Variants in KCNK12 observed in about 807,000 individuals in gnomAD.
KCNK12 encodes the protein potassium two pore domain channel subfamily K member 12, also known as potassium channel subfamily K member 12.
A neutral mutation model predicts 25.3 loss-of-function variants in KCNK12; 6 were observed. That is an observed-to-expected ratio of 0.24 (90% confidence interval 0.13 to 0.47). The LOEUF is 0.47. Ranked by LOEUF, KCNK12 falls within the 20% of genes least tolerant of loss-of-function variation. The probability of loss-of-function intolerance (pLI) is 0.99; values close to 1 mark genes in which losing one functional copy is unlikely to be tolerated. For synonymous variants in KCNK12, 331 were observed against 311.1 expected, an observed-to-expected ratio of 1.06 and a Z score of -0.67; for missense variants, 444 against 661.7, an observed-to-expected ratio of 0.67 and a Z score of 3.61.
rs2104813298 is a variant in KCNK12, at chr2:47,540,979, T to A, written c.392-19171A>T. Among the ~76,000 whole-genome samples, 1 of 152,272 alleles carries A rather than the reference T, an allele frequency of 6.6e-6. No homozygotes were observed. Among genetic ancestry groups the A allele is most frequent in the Non-Finnish European group, 1.5e-5 (1 of 68,000 alleles). ...AATCAGTAAGATCCATCTGTGCAAT[T>A]CCTTCCTCCTAGAATTCAGAATCTG... On this transcript the variant is annotated intron_variant, in intron 1 of 1. Transcript: ENST00000327876. The surrounding 1 kb of genome is among the most constrained non-coding windows in gnomAD (Gnocchi z 5.4).
Position 47,521,558 on chromosome 2 carries a change from G to A in KCNK12, c.642C>T (p.Tyr214=). 1 of 1,559,258 alleles carries A rather than the reference G, an allele frequency of 6.4e-7. No homozygotes were observed. The highest frequency in any genetic ancestry group is 8.7e-7 in the Non-Finnish European group (1 of 1,151,662). The change falls in exon 2 of 2, where the codon TAC becomes TAT. Residue 214 remains tyrosine, a synonymous_variant. Coordinates refer to ENST00000327876, the MANE Select transcript of KCNK12 (RefSeq NM_022055.2). ...ACAGGCCCAGGATGAGCAGCACGTGGTACACCGAGGGCTTCCAGCCCGCCA... is the reference window on the plus strand; with the variant it reads ...ACAGGCCCAGGATGAGCAGCACGTGATACACCGAGGGCTTCCAGCCCGCCA... ...DSLAGWKPSV[Y]HVLLILGLFA...
In KCNK12 at chr2:47,515,491, G is replaced by A. The variant is rs1668504392; in HGVS notation, c.*5416C>T. ...AACAAGACAAAACAAAACAATACCA[G>A]AATGGAAAATAGTGCATGATCTGTA... On this transcript the variant is annotated 3_prime_UTR_variant, in exon 2 of 2. Transcript: ENST00000327876. Among the ~76,000 whole-genome samples the A allele has an allele frequency of 6.6e-6, 1 of 152,150 alleles. No individual in the cohort carries two copies. The highest frequency in any genetic ancestry group is 1.5e-5 in the Non-Finnish European group (1 of 68,030).
At chr2:47,523,853 C>CTGTG (rs1205106187) in intron 1 of KCNK12, among the ~76,000 whole-genome samples, 1 of 152,242 alleles carries the variant, frequency 6.6e-6, no homozygotes, top group Non-Finnish European at 1.5e-5. Flanking sequence ...GAAGGGCTAC[C>CTGTG]TGTGCTCTGC....
chr2:47,562,371 G>C lies in KCNK12; in HGVS notation c.391+7570C>G, dbSNP rs1245057677. ...GTCACCTTGGAATGAGATCCTCTGG[G>C]ATCTGGAGGAAGCAGATGGAGGAGA... On this transcript the variant is annotated intron_variant, in intron 1 of 1. Coordinates refer to ENST00000327876, the MANE Select transcript of KCNK12 (RefSeq NM_022055.2). This position sits in a 1 kb window ranked among gnomAD's most constrained non-coding sequence, Gnocchi z 4.8. The C allele has an allele frequency of 2.5e-5, 9 of 356,600 alleles. No homozygotes were observed. The highest frequency in any genetic ancestry group is 3.0e-5 in the Non-Finnish European group (6 of 199,748). 22.1% of individuals were successfully genotyped at this position (356,600 alleles called of 1,614,324 possible).
At position 47,570,341 on chromosome 2, in the gene KCNK12, C is replaced by G. The variant is rs1264487804; in HGVS notation, c.-10G>C. 2 of 1,252,874 alleles carry G rather than the reference C, an allele frequency of 1.6e-6. No homozygotes were observed. The highest frequency in any genetic ancestry group is 3.2e-5 in the African/African-American group (2 of 63,454). The allele number at this position is 1,252,874 out of a possible 1,614,324, so 77.6% of individuals were successfully genotyped here. On this transcript the variant is annotated 5_prime_UTR_variant, in exon 1 of 2. Coordinates refer to ENST00000327876, the MANE Select transcript of KCNK12 (RefSeq NM_022055.2). ...GGCTGCGGGAGGACATGGTCCGGAG[C>G]TCAGCCCCGGGGCCGGGGCGGCGCT...
chr2:47,526,702 C>T (rs1244532997), intron 1 of KCNK12, among the ~76,000 whole-genome samples: 1 of 152,200 alleles, frequency 6.6e-6, no homozygotes, highest in Non-Finnish European at 1.5e-5. Context: ...CACTGCCTTC[C>T]AGCCTGGGCG....
intron 1 of KCNK12, among the ~76,000 whole-genome samples, chr2:47,532,368 A>T (rs1668952318): frequency 6.6e-6 from 1 of 151,596 alleles, no homozygotes; most frequent in Admixed American, 6.6e-5. Context: ...CTTTTTTTAA[A>T]GTTTATTCTT....
Position 47,516,282 on chromosome 2 carries a change from G to T in KCNK12, c.*4625C>A, listed in dbSNP as rs151221120. The stretch of plus-strand genomic sequence containing the variant: ...TAGACCAATGAAATCAGACTCCTGG[G>T]AGTACGGCCCGGGCCTCGGGATCCT... On this transcript the variant is annotated 3_prime_UTR_variant, in exon 2 of 2. Transcript: ENST00000327876. 5.3e-3 allele frequency among the ~76,000 whole-genome samples: 813 copies of T among 152,306 alleles called. 6 individuals are homozygous for T. Among genetic ancestry groups the T allele is most frequent in the African/African-American group, 0.019 (777 of 41,556 alleles).
At chr2:47,545,462 A>G (rs1377855001) in intron 1 of KCNK12, among the ~76,000 whole-genome samples, 1 of 152,250 alleles carries the variant, frequency 6.6e-6, no homozygotes. Flanking sequence ...CCCTTTGGGA[A>G]GCCTGGATAC....
rs548923436 is a variant in KCNK12, at chr2:47,544,469, T to C, written c.392-22661A>G. ...TTCTTCCCAGGCCCCCAGTGATGGC[T>C]AACACCATTGTTCGCAGCGTTCCTA... On this transcript the variant is annotated intron_variant, in intron 1 of 1. Transcript: ENST00000327876. 1.3e-4 allele frequency among the ~76,000 whole-genome samples: 20 copies of C among 152,392 alleles called. No individual in the cohort carries two copies. In the East Asian group the frequency reaches 3.5e-3, roughly 26 times the overall value.
In KCNK12 at chr2:47,570,086, C is replaced by T; in HGVS notation, c.246G>A (p.Ala82=). The change falls in exon 1 of 2, where the codon GCG becomes GCA. Residue 82 remains alanine, a synonymous_variant. Coordinates refer to ENST00000327876, the MANE Select transcript of KCNK12 (RefSeq NM_022055.2). ...WGATLRNFSA[A]HGVAEPELRA... ...GCAGCTCTGGCTCGGCCACGCCGTG[C>T]GCAGCGCTGAAGTTGCGCAGCGTGG... The T allele has an allele frequency of 7.2e-7, 1 of 1,386,860 alleles. No individual in the cohort carries two copies. Among genetic ancestry groups the T allele is most frequent in the South Asian group, 1.6e-5 (1 of 62,180 alleles). 85.9% of individuals were successfully genotyped at this position (1,386,860 alleles called of 1,614,324 possible).
rs1669040122 is a variant in KCNK12, at chr2:47,535,224, C to G, written c.392-13416G>C. ...ATGCAAACAAACCCACACCTTTCAG[C>G]TGCAGCCAGGGAGGTGCTCTAGAGG... On this transcript the variant is annotated intron_variant, in intron 1 of 1. Coordinates refer to ENST00000327876, the MANE Select transcript of KCNK12 (RefSeq NM_022055.2). 1.3e-5 allele frequency: 3 copies of G among 232,946 alleles called. No individual in the cohort carries two copies. The South Asian group carries it at 5.4e-4, about 42-fold the overall frequency. 14.4% of individuals were successfully genotyped at this position (232,946 alleles called of 1,614,324 possible). A position where few individuals can be genotyped will look rare whatever the true frequency, so the allele number is the denominator to read the frequency against.
At chr2:47,545,797 C>A (rs1004634745) in intron 1 of KCNK12, among the ~76,000 whole-genome samples, 3 of 152,092 alleles carry the variant, frequency 2.0e-5, no homozygotes, top group Non-Finnish European at 4.4e-5. Context: ...AAAATGCAAG[C>A]CATTTGTGCT....
At chr2:47,530,416 C>T (rs1668893724) in intron 1 of KCNK12, among the ~76,000 whole-genome samples, 1 of 152,018 alleles carries the variant, frequency 6.6e-6, no homozygotes, top group Non-Finnish European at 1.5e-5. Context: ...ATGTCACACC[C>T]CCGGGGAGGA....
intron 1 of KCNK12, among the ~76,000 whole-genome samples, chr2:47,546,844 A>G (rs1471294568): frequency 6.6e-6 from 1 of 152,116 alleles, no homozygotes; most frequent in Non-Finnish European, 1.5e-5. Flanking sequence ...ATGCTTGTGC[A>G]AGATGGACAG....
intron 1 of KCNK12, among the ~76,000 whole-genome samples, chr2:47,542,821 C>G (rs1427972421): frequency 6.6e-6 from 1 of 152,212 alleles, no homozygotes; most frequent in Admixed American, 6.5e-5. Flanking sequence ...GGGAAACTGA[C>G]AGGTTTTCAT....
Position 47,539,530 on chromosome 2 carries a change from G to A in KCNK12, c.392-17722C>T, listed in dbSNP as rs62140880. On this transcript the variant is annotated intron_variant, in intron 1 of 1. Transcript: ENST00000327876. ...ACTAAGGAAGGGAGGCCAAAGGGAG[G>A]CCACAAACGCAGGAGAGGATGAAGG... 4.6e-3 allele frequency among the ~76,000 whole-genome samples: 694 copies of A among 152,244 alleles called. 3 individuals are homozygous for A. Among genetic ancestry groups the A allele is most frequent in the Middle Eastern group, 0.01 (3 of 292 alleles).
intron 1 of KCNK12, among the ~76,000 whole-genome samples, chr2:47,553,537 G>A (rs575299785): frequency 4.3e-4 from 65 of 152,248 alleles, no homozygotes; most frequent in African/African-American, 1.5e-3. Flanking sequence ...CCAAAACAAG[G>A]GACTTCACAA....
At chr2:47,530,099 A>G (rs2104764596) in intron 1 of KCNK12, among the ~76,000 whole-genome samples, 1 of 152,236 alleles carries the variant, frequency 6.6e-6, no homozygotes, top group South Asian at 2.1e-4. Context: ...ACTTTAATCA[A>G]GGAACCCAAG....
Sources: allele counts gnomAD v4.1 joint callset (sites outside exome capture counted in the v4.1 genomes callset), GRCh38; gene constraint gnomAD v4.1.1; non-coding constraint Gnocchi (gnomAD v3.1); transcripts MANE v1.5; gene names NCBI Gene and HGNC (gene_info 2026-07-23, HGNC 2026-07-21).